PSMA1: variants seen among roughly 807,000 people sequenced by gnomAD.
The protein encoded by PSMA1 is proteasome subunit alpha type-1.
A neutral mutation model predicts 38.4 loss-of-function variants in PSMA1; 3 were observed. That is an observed-to-expected ratio of 0.08 (90% CI 0.04 to 0.20). The LOEUF is 0.20. Ranked by LOEUF, PSMA1 falls within the 10% of genes least tolerant of loss-of-function variation. PSMA1 has a pLI of 1.00. For missense variants in PSMA1, 227 were observed against 325.3 expected, an observed-to-expected ratio of 0.70 and a Z score of 2.32; for synonymous variants, 101 against 107.1, an observed-to-expected ratio of 0.94 and a Z score of 0.35.
intron 2 of PSMA1, among the ~76,000 whole-genome samples, chr11:14,552,934 C>T (rs1851903200): frequency 4.6e-5 from 7 of 151,288 alleles, no homozygotes; most frequent in Admixed American, 4.6e-4. Context: ...TCGAGCAATC[C>T]CTACACCTCA....
intron 2 of PSMA1, among the ~76,000 whole-genome samples, chr11:14,570,130 G>A (rs1158130068): frequency 6.6e-6 from 1 of 152,226 alleles, no homozygotes; most frequent in East Asian, 1.9e-4. Context: ...AACTCCAACA[G>A]ACCTGCAGCT....
Position 14,551,516 on chromosome 11 carries a change from G to A in PSMA1, c.22-32475C>T, listed in dbSNP as rs1740018525. 2.0e-5 allele frequency among the ~76,000 whole-genome samples: 3 copies of A among 152,272 alleles called. No homozygotes were observed. In the South Asian group the frequency reaches 6.2e-4, roughly 32 times the overall value. ...ACAGTGTTCATCCAAGTGCTGTCAG[G>A]GGGAAGAGAGTCCCAGCCAGCCAAA... On this transcript the variant is annotated intron_variant, in intron 2 of 10. Coordinates refer to the PSMA1 transcript ENST00000418988.
intron 2 of PSMA1, among the ~76,000 whole-genome samples, chr11:14,532,841 C>T (rs538096066): frequency 1.4e-5 from 2 of 145,082 alleles, no homozygotes; most frequent in African/African-American, 2.6e-5. Flanking sequence ...GCAGGTGAGC[C>T]GACATCTGCC....
At chr11:14,513,368 C>G in intron 7 of PSMA1, 1 of 497,386 alleles carries the variant, frequency 2.0e-6, no homozygotes, top group Non-Finnish European at 3.1e-6. Flanking sequence ...AAGTTCTACT[C>G]GTGCTTGAAA....
At chr11:14,638,507 CT>C (rs1853139271) in intron 1 of PSMA1, among the ~76,000 whole-genome samples, 2 of 19,278 alleles carry the variant, frequency 1.0e-4, no homozygotes, top group Non-Finnish European at 1.6e-4. Context: ...AGAAACACAC[CT>C]CTCTCTCTCT....
chr11:14,537,186 AT>A (rs1222660028), intron 2 of PSMA1, among the ~76,000 whole-genome samples: 44 of 152,308 alleles, frequency 2.9e-4, no homozygotes, highest in African/African-American at 1.0e-3. Context: ...GTTTTCTAGA[AT>A]TTCAGTGGCA....
At chr11:14,592,376 C>CTCTATATATATA (rs1201045926) in intron 2 of PSMA1, among the ~76,000 whole-genome samples, 1 of 122,378 alleles carries the variant, frequency 8.2e-6, no homozygotes. Context: ...CTCTCTCTCT[C>CTCTATATATATA]TATATATATA....
At chr11:14,635,842 T>C (rs1236158296) in intron 1 of PSMA1, among the ~76,000 whole-genome samples, 1 of 152,220 alleles carries the variant, frequency 6.6e-6, no homozygotes, top group Non-Finnish European at 1.5e-5. Context: ...TTCTGTATTA[T>C]ATAGAATCTG....
intron 1 of PSMA1, among the ~76,000 whole-genome samples, chr11:14,619,372 G>A (rs925958517): frequency 2.0e-5 from 3 of 151,644 alleles, no homozygotes; most frequent in Admixed American, 6.6e-5. Flanking sequence ...CCAGGAGATC[G>A]ACACTTCAGT....
intron 2 of PSMA1, among the ~76,000 whole-genome samples, chr11:14,538,664 G>C (rs1851737808): frequency 6.6e-6 from 1 of 152,184 alleles, no homozygotes. Context: ...CCCTTCACAG[G>C]CTTCCTCCCA....
At chr11:14,545,563 T>C (rs1480537033) in intron 2 of PSMA1, among the ~76,000 whole-genome samples, 1 of 152,230 alleles carries the variant, frequency 6.6e-6, no homozygotes. Flanking sequence ...ACATGCGGTG[T>C]TTGGTTTTCT....
intron 2 of PSMA1, among the ~76,000 whole-genome samples, chr11:14,590,347 T>A (rs1426134224): frequency 1.3e-5 from 2 of 151,358 alleles, no homozygotes; most frequent in African/African-American, 4.9e-5. Context: ...TCATTTTGTG[T>A]TTTTTACCAG....
intron 2 of PSMA1, among the ~76,000 whole-genome samples, chr11:14,605,851 G>C (rs925227248): frequency 6.6e-6 from 1 of 152,134 alleles, no homozygotes; most frequent in Non-Finnish European, 1.5e-5. Context: ...TCTGTTGATA[G>C]TTTCTTTTGC....
chr11:14,638,541 C>CTA (rs1853146549), intron 1 of PSMA1, among the ~76,000 whole-genome samples: 1 of 15,686 alleles, frequency 6.4e-5, no homozygotes, highest in African/African-American at 2.5e-4. Flanking sequence ...CTCTCTCTCT[C>CTA]TCTCTATATA....
At chr11:14,513,977 ATTCT>A in intron 5 of PSMA1, 90 bp from the exon 6 acceptor site, 3 of 1,408,116 alleles carry the variant, frequency 2.1e-6, no homozygotes, top group South Asian at 1.7e-5. Context: ...TCTCTGGCTT[ATTCT>A]TTAATTGTTG....
At chr11:14,603,295 G>A (rs567895247) in intron 2 of PSMA1, among the ~76,000 whole-genome samples, 2 of 152,104 alleles carry the variant, frequency 1.3e-5, no homozygotes, top group African/African-American at 2.4e-5. Flanking sequence ...TTGTTAAGGG[G>A]AGAAATTTTA....
chr11:14,630,657 T>A (rs1412635155), intron 1 of PSMA1, among the ~76,000 whole-genome samples: 2 of 151,738 alleles, frequency 1.3e-5, no homozygotes, highest in African/African-American at 4.8e-5. Context: ...CTGGCTTTGG[T>A]ATCAGAATGA....
At chr11:14,566,497 T>A (rs1852073449) in intron 2 of PSMA1, among the ~76,000 whole-genome samples, 1 of 152,146 alleles carries the variant, frequency 6.6e-6, no homozygotes, top group African/African-American at 2.4e-5. Context: ...TATGCACACC[T>A]CCAACCCCTA....
intron 2 of PSMA1, among the ~76,000 whole-genome samples, chr11:14,592,391 TATA>T (rs1565052898): frequency 3.5e-5 from 5 of 144,800 alleles, no homozygotes; most frequent in South Asian, 2.2e-4. Flanking sequence ...TATATATATA[TATA>T]TTTTTTTTTT....
Sources: gnomAD v4.1 joint callset for allele counts (sites outside exome capture counted in the v4.1 genomes callset) on GRCh38, gnomAD v4.1.1 for gene constraint, MANE v1.5 for transcripts, NCBI Gene and HGNC (gene_info 2026-07-23, HGNC 2026-07-21) for gene names.